PSAP: variants seen among roughly 807,000 people sequenced by gnomAD.
PSAP encodes the protein prosaposin.
Under a neutral mutation model 66.0 loss-of-function variants are expected in PSAP, and 25 were observed. The observed-to-expected ratio is 0.38, with a 90% CI of 0.28 to 0.53. The LOEUF (loss-of-function observed/expected upper bound fraction) is 0.53, where lower values mean the gene tolerates loss of function less well. PSAP is among the 20% of genes least tolerant of loss of function. The pLI, the probability that PSAP is intolerant of heterozygous loss-of-function variation, is 0.83. For synonymous variants in PSAP, 273 were observed against 258.9 expected (o/e 1.05, Z -0.52); for missense variants, 649 against 668.8 (o/e 0.97, Z 0.33).
rs1589444635 is a variant in PSAP at position 71,817,310 on chromosome 10, C to A, written c.*131G>T. The A allele has an allele frequency of 4.0e-6, 4 of 1,007,234 alleles. No homozygotes were observed. The East Asian group carries it at 7.1e-5, about 18-fold the overall frequency. 62.4% of individuals were successfully genotyped at this position (1,007,234 alleles called of 1,614,324 possible). ...GACAGCAATGCTACAATAAAGGACA[C>A]AGAAATGGGGGAGGTGGGGGAGCCC... On this transcript the variant is annotated 3_prime_UTR_variant, in exon 14 of 14. Transcript: ENST00000394936.
Position 71,819,048 on chromosome 10 carries a change from G to A in PSAP, c.1414C>T (p.Pro472Ser). 2 of 1,614,080 alleles carry A rather than the reference G, an allele frequency of 1.2e-6. No individual in the cohort carries two copies. The highest frequency in any genetic ancestry group is 1.7e-6 in the Non-Finnish European group (2 of 1,179,982). The change falls in exon 12 of 14, where the codon CCT becomes TCT. Residue 472 changes from proline (P) to serine (S), a missense_variant. Pro to Ser is a moderately conservative substitution (Grantham distance 74). Transcript: ENST00000394936. ...LIEILVEVMDPSFVCLKIGAC... is the reference protein window; with the variant it reads ...LIEILVEVMDSSFVCLKIGAC... Reference sequence around the variant, plus strand: ...AGGCTCACCAAGCACACGAAGGAAGGATCCATCACCTCCACCAGGATCTCG... The same window carrying A: ...AGGCTCACCAAGCACACGAAGGAAGAATCCATCACCTCCACCAGGATCTCG...
chr10:71,832,035 C>T, intron 2 of PSAP, 115 bp from the exon 3 acceptor site: 1 of 1,054,118 alleles, frequency 9.5e-7, no homozygotes. Context: ...ATGATCATGA[C>T]CGCGCTCCTG....
intron 10 of PSAP, 43 bp downstream of exon 10, chr10:71,819,671 C>A (rs1247347172): frequency 6.2e-7 from 1 of 1,614,090 alleles, no homozygotes; most frequent in East Asian, 2.2e-5. Flanking sequence ...CTCCCAGACC[C>A]AAGAGGGGCA....
intron 2 of PSAP, among the ~76,000 whole-genome samples, chr10:71,833,257 A>G (rs910434778): frequency 4.6e-5 from 7 of 152,296 alleles, no homozygotes; most frequent in Middle Eastern, 6.8e-3. Context: ...CAGGAGTTCA[A>G]GACCAGCCTG....
rs1442477588 is a variant in PSAP at position 71,828,815 on chromosome 10, T to C, written c.576+62A>G. On this transcript the variant is annotated intron_variant, in intron 5 of 13. Coordinates refer to ENST00000394936, the MANE Select transcript of PSAP (RefSeq NM_002778.4). Reference sequence around the variant, plus strand: ...GAACCACACGTGCCCTCTCTGTCCCTTTGGTCTCTCATCTCCAGTGCAACC... The same window carrying C: ...GAACCACACGTGCCCTCTCTGTCCCCTTGGTCTCTCATCTCCAGTGCAACC... 3.5e-5 allele frequency: 56 copies of C among 1,584,776 alleles called. 3 individuals carry two copies. Among genetic ancestry groups the C allele is most frequent in the South Asian group, 2.1e-4 (19 of 89,826 alleles).
Position 71,831,222 on chromosome 10 carries a change from G to T in PSAP, c.279C>A (p.Thr93=), listed in dbSNP as rs749092837. 4 of 1,614,062 alleles carry T rather than the reference G, an allele frequency of 2.5e-6. No homozygotes were observed. The highest frequency in any genetic ancestry group is 3.4e-6 in the Non-Finnish European group (4 of 1,179,980). The change falls in exon 4 of 14, where the codon ACC becomes ACA. Residue 93 remains threonine, a synonymous_variant. Transcript: ENST00000394936. ...EEEILVYLEK[T]CDWLPKPNMS... Reference sequence around the variant, plus strand: ...TGTTCGGTTTCGGAAGCCAGTCACAGGTCTTCTCCAAGTAAACAAGGATCT... The same window carrying T: ...TGTTCGGTTTCGGAAGCCAGTCACATGTCTTCTCCAAGTAAACAAGGATCT...
chr10:71,832,266 A>G (rs925182040), intron 2 of PSAP, among the ~76,000 whole-genome samples: 1 of 152,128 alleles, frequency 6.6e-6, no homozygotes, highest in Non-Finnish European at 1.5e-5. Context: ...TATGGCAGAG[A>G]GGTGGGTGGG....
chr10:71,837,471 C>T (rs751902123), intron 1 of PSAP, among the ~76,000 whole-genome samples: 13 of 152,240 alleles, frequency 8.5e-5, no homozygotes, highest in Non-Finnish European at 1.5e-4. Context: ...TCTCCTAGCA[C>T]TTGAGGAACT....
At chr10:71,832,220 G>T (rs1345699292) in intron 2 of PSAP, among the ~76,000 whole-genome samples, 2 of 152,178 alleles carry the variant, frequency 1.3e-5, no homozygotes, top group African/African-American at 4.8e-5. Context: ...CACCTCTGAG[G>T]AAACTGAGGC....
rs1313496826 is a variant in PSAP at position 71,816,710 on chromosome 10, G to A, written c.*731C>T. The A allele has an allele frequency of 1.8e-5, 5 of 273,452 alleles. No individual in the cohort carries two copies. In the East Asian group the frequency reaches 4.2e-4, roughly 23 times the overall value. The allele number at this position is 273,452 out of a possible 1,614,324, so 16.9% of individuals were successfully genotyped here. A position where few individuals can be genotyped will look rare whatever the true frequency, so the allele number is the denominator to read the frequency against. On this transcript the variant is annotated 3_prime_UTR_variant, in exon 14 of 14. Coordinates refer to ENST00000394936, the MANE Select transcript of PSAP (RefSeq NM_002778.4). ...ACGCTCACACAAGCCAGGCCCGCAGGGCCTTCGGAGAGCTAGCAGGTTACA... is the reference window on the plus strand; with the variant it reads ...ACGCTCACACAAGCCAGGCCCGCAGAGCCTTCGGAGAGCTAGCAGGTTACA...
intron 1 of PSAP, among the ~76,000 whole-genome samples, chr10:71,845,786 G>A (rs549270063): frequency 6.6e-6 from 1 of 152,172 alleles, no homozygotes; most frequent in African/African-American, 2.4e-5. Flanking sequence ...AACCAGCTCT[G>A]ATCTGCTGGG....
chr10:71,825,663 G>C, intron 7 of PSAP, 174 bp downstream of exon 7: 1 of 704,850 alleles, frequency 1.4e-6, no homozygotes, highest in Non-Finnish European at 2.6e-6. Flanking sequence ...CCGTAACAGG[G>C]GAGGTACTGA....
chr10:71,841,304 C>G (rs1842729465), intron 1 of PSAP, among the ~76,000 whole-genome samples: 1 of 152,262 alleles, frequency 6.6e-6, no homozygotes, highest in South Asian at 2.1e-4. Context: ...AAAAAGGTTT[C>G]ATGCAAACCT....
chr10:71,821,798 G>C (rs1469299782), intron 8 of PSAP, 78 bp downstream of exon 8: 9 of 1,593,042 alleles, frequency 5.6e-6, no homozygotes, highest in East Asian at 4.5e-5. Context: ...CAAGTGACTC[G>C]TAAGATGTGA....
At chr10:71,835,602 T>C (rs1326224595) in intron 1 of PSAP, among the ~76,000 whole-genome samples, 1 of 152,124 alleles carries the variant, frequency 6.6e-6, no homozygotes, top group African/African-American at 2.4e-5. Context: ...AGAGTGCCTA[T>C]GTTTCTTAAA....
In PSAP at chr10:71,835,219, AAAATAAAT is replaced by A. The variant is rs71018228; in HGVS notation, c.41-722_41-715del. 5.7e-3 allele frequency among the ~76,000 whole-genome samples: 835 copies of A among 147,378 alleles called. 7 individuals are homozygous for A. Among genetic ancestry groups the A allele is most frequent in the Middle Eastern group, 0.035 (10 of 284 alleles). On this transcript the variant is annotated intron_variant, in intron 1 of 13. Transcript: ENST00000394936. ...GTGACAGAGCGAGACTCCGTTTCAA[AAAATAAAT>A]AAATAAATAAATAAATAAATAAAAT...
intron 1 of PSAP, among the ~76,000 whole-genome samples, chr10:71,838,975 C>CA (rs1214294764): frequency 6.6e-6 from 1 of 152,130 alleles, no homozygotes; most frequent in East Asian, 1.9e-4. Flanking sequence ...AAACACTACC[C>CA]AAAAACACTT....
chr10:71,838,532 G>A (rs1842670855), intron 1 of PSAP, among the ~76,000 whole-genome samples: 1 of 152,252 alleles, frequency 6.6e-6, no homozygotes, highest in Non-Finnish European at 1.5e-5. Flanking sequence ...AACAATGGGT[G>A]CAAGGAAGCA....
intron 2 of PSAP, 73 bp from the exon 3 acceptor site, chr10:71,831,993 T>C (rs1462152474): frequency 1.4e-6 from 2 of 1,417,596 alleles, no homozygotes; most frequent in South Asian, 2.3e-5. Context: ...GAACTCCCCA[T>C]GGCCTTTTCG....
Sources: allele counts gnomAD v4.1 joint callset (sites outside exome capture counted in the v4.1 genomes callset), GRCh38; gene constraint gnomAD v4.1.1; transcripts MANE v1.5; gene names NCBI Gene and HGNC (gene_info 2026-07-23, HGNC 2026-07-21).